Variants in RBM26 observed in about 807,000 individuals in gnomAD.
RBM26 encodes RNA-binding protein 26.
Under a neutral mutation model 123.6 loss-of-function variants are expected in RBM26, and 30 were observed. The observed-to-expected ratio is 0.24, with a 90% CI of 0.18 to 0.33. The LOEUF (loss-of-function observed/expected upper bound fraction) is 0.33, where lower values mean the gene tolerates loss of function less well. RBM26 is among the 10% of genes least tolerant of loss of function. RBM26 has a pLI of 1.00. For synonymous variants in RBM26, 400 were observed against 404.4 expected (o/e 0.99, Z 0.13); for missense variants, 947 against 1,203.6 (o/e 0.79, Z 3.15).
intron 2 of RBM26, 95 bp downstream of exon 2, chr13:79,378,694 C>T (rs1485253546): frequency 3.0e-6 from 2 of 659,568 alleles, no homozygotes; most frequent in African/African-American, 3.7e-5. Flanking sequence ...CCCACCTCAG[C>T]CTCCCAAAGT....
At chr13:79,348,183 T>TG (rs2072638290) in intron 14 of RBM26, among the ~76,000 whole-genome samples, 1 of 152,160 alleles carries the variant, frequency 6.6e-6, no homozygotes, top group Admixed American at 6.5e-5. Flanking sequence ...AGGATATTTG[T>TG]GTCTATGTTC....
At chr13:79,312,980 G>C (rs532846296) in exon 5 of RBM26, 2 of 151,732 alleles carry the variant, frequency 1.3e-5, no homozygotes, top group South Asian at 4.2e-4. Context: ...ATATTCAGTT[G>C]ATCTGTATTT....
At chr13:79,357,392 G>A (rs116063551) in intron 11 of RBM26, among the ~76,000 whole-genome samples, 22 of 151,954 alleles carry the variant, frequency 1.4e-4, no homozygotes, top group African/African-American at 5.3e-4. Flanking sequence ...CATACAAAAT[G>A]GGGGAAAAAT....
At chr13:79,366,998 CCATT>C in intron 6 of RBM26, 126 bp from the exon 7 acceptor site, 1 of 784,276 alleles carries the variant, frequency 1.3e-6, no homozygotes, top group South Asian at 2.4e-5. Flanking sequence ...GTATAATTAA[CCATT>C]TCCCAAGAGC....
chr13:79,331,982 T>A (rs1459986671), intron 20 of RBM26, among the ~76,000 whole-genome samples: 1 of 152,188 alleles, frequency 6.6e-6, no homozygotes, highest in African/African-American at 2.4e-5. Context: ...ATACTGATGG[T>A]CTTTAAAATG....
At chr13:79,324,429 G>C (rs2068082586) in intron 20 of RBM26, among the ~76,000 whole-genome samples, 1 of 151,728 alleles carries the variant, frequency 6.6e-6, no homozygotes, top group South Asian at 2.1e-4. Context: ...CATCTTGTGT[G>C]ACTTTCTATT....
chr13:79,345,524 A>C (rs531316273), intron 14 of RBM26, among the ~76,000 whole-genome samples: 1 of 152,126 alleles, frequency 6.6e-6, no homozygotes, highest in African/African-American at 2.4e-5. Flanking sequence ...ATTAACATAA[A>C]GACTTGCCTT....
chr13:79,358,408 G>A lies in RBM26; in HGVS notation c.1555C>T (p.Pro519Ser). Residue 519 changes from proline to serine, a missense_variant, in exon 11 of 22, where the codon CCA becomes TCA. Around this residue, in one of 5 missense-constraint regions of RBM26, gnomAD observed 493 missense variants for 563.1 expected, o/e 0.88. Coordinates refer to ENST00000438737, the MANE Select transcript of RBM26 (RefSeq NM_001366735.2). The stretch of plus-strand genomic sequence containing the variant: ...AATTGAACCTTCTTCTGAAAGCCTG[G>A]GCTGTTTGTTCTATTAAAATTTGGT... ...DKPNFNRTNS[P>S]GFQKKVQFGN... 5 of 1,609,736 alleles carry A rather than the reference G, an allele frequency of 3.1e-6. No homozygotes were observed. Among genetic ancestry groups the A allele is most frequent in the Non-Finnish European group, 4.2e-6 (5 of 1,178,776 alleles).
At chr13:79,402,471 C>T (rs76520285) in intron 1 of RBM26, among the ~76,000 whole-genome samples, 1 of 150,850 alleles carries the variant, frequency 6.6e-6, no homozygotes, top group Non-Finnish European at 1.5e-5. Context: ...TCTGAAAACC[C>T]TCTTGCCCTA....
intron 16 of RBM26, among the ~76,000 whole-genome samples, chr13:79,343,345 C>G (rs2071750785): frequency 6.6e-6 from 1 of 151,750 alleles, no homozygotes; most frequent in Admixed American, 6.6e-5. Flanking sequence ...CAGGAAACAA[C>G]AAGATAAGCA....
chr13:79,347,991 G>C (rs996049694), intron 14 of RBM26, among the ~76,000 whole-genome samples: 7 of 151,864 alleles, frequency 4.6e-5, no homozygotes, highest in Admixed American at 2.0e-4. Flanking sequence ...ATGTAACTAA[G>C]TAACAGAACA....
chr13:79,370,699 T>C (rs2075792335), intron 5 of RBM26, among the ~76,000 whole-genome samples: 2 of 152,232 alleles, frequency 1.3e-5, no homozygotes, highest in African/African-American at 2.4e-5. Flanking sequence ...ATCTACTTTC[T>C]CACCAACATG....
chr13:79,319,949 C>CTTTTTTTTTTTTT lies in RBM26; in HGVS notation c.*659_*671dup, dbSNP rs56071300. The CTTTTTTTTTTTTT allele has an allele frequency of 2.6e-5, 3 of 116,098 alleles. No individual in the cohort carries two copies. The highest frequency in any genetic ancestry group is 3.0e-4 in the African/African-American group (1 of 3,340). 7.2% of individuals were successfully genotyped at this position (116,098 alleles called of 1,614,324 possible). ...TTTAAATCAAGGAACATTGTCTTGGCTTTTTTTTTTTTTTTTTTTTTGTCA... is the reference window on the plus strand; with the variant it reads ...TTTAAATCAAGGAACATTGTCTTGGCTTTTTTTTTTTTTTTTTTTTTTTTTTTTTTTTTTGTCA... On this transcript the variant is annotated 3_prime_UTR_variant, in exon 22 of 22. Transcript: ENST00000438737.
chr13:79,342,929 T>C (rs917347563), intron 16 of RBM26, 98 bp from the exon 17 acceptor site: 3 of 736,320 alleles, frequency 4.1e-6, no homozygotes, highest in Non-Finnish European at 6.4e-6. Context: ...ATATTACTAC[T>C]TTTTTTAGTT....
rs144697349 is a variant in RBM26, at chr13:79,312,132, A to T, written c.*2838T>A. The T allele has an allele frequency of 2.0e-5, 3 of 152,210 alleles. No individual in the cohort carries two copies. In the East Asian group the frequency reaches 5.8e-4, roughly 29 times the overall value. The allele number at this position is 152,210 out of a possible 1,614,324, so 9.4% of individuals were successfully genotyped here. A position where few individuals can be genotyped will look rare whatever the true frequency, so the allele number is the denominator to read the frequency against. On this transcript the variant is annotated 3_prime_UTR_variant, in exon 5 of 5. Coordinates refer to the RBM26 transcript ENST00000449987. The stretch of plus-strand genomic sequence containing the variant: ...TCCCCATGCCAACACACATTCATGA[A>T]ATGGGATACTTATGGGCACAGGTAT...
chr13:79,354,707 C>T (rs1352910788), intron 12 of RBM26, 137 bp from the exon 13 acceptor site: 1 of 651,376 alleles, frequency 1.5e-6, no homozygotes, highest in East Asian at 3.0e-5. Flanking sequence ...TAACTGCCTT[C>T]TAATTTCATC....
chr13:79,381,128 C>CT (rs1555336913), intron 1 of RBM26, among the ~76,000 whole-genome samples: 1 of 152,024 alleles, frequency 6.6e-6, no homozygotes, highest in African/African-American at 2.4e-5. Context: ...ATTTTACATA[C>CT]TATATTGGGC....
Position 79,352,354 on chromosome 13 carries a change from C to T in RBM26, c.2058+799G>A, listed in dbSNP as rs148563045. ...AGATGAAATCATAACACTGTTTGGGCCTTGACTTTAAGATAAGCATATAGA... is the reference window on the plus strand; with the variant it reads ...AGATGAAATCATAACACTGTTTGGGTCTTGACTTTAAGATAAGCATATAGA... On this transcript the variant is annotated intron_variant, in intron 14 of 21. Transcript: ENST00000438737. Among the ~76,000 whole-genome samples the T allele has an allele frequency of 3.0e-3, 462 of 152,024 alleles. 3 individuals are homozygous for T. The highest frequency in any genetic ancestry group is 0.01 in the African/African-American group (426 of 41,448).
At chr13:79,324,977 G>T (rs1340707303) in intron 20 of RBM26, among the ~76,000 whole-genome samples, 2 of 151,846 alleles carry the variant, frequency 1.3e-5, no homozygotes, top group Non-Finnish European at 2.9e-5. Flanking sequence ...CAATGTTTTG[G>T]TCAACAATGA....
Sources: gnomAD v4.1 joint callset for allele counts (sites outside exome capture counted in the v4.1 genomes callset) on GRCh38, gnomAD v4.1.1 for gene constraint, gnomAD v4.1.1 regional missense constraint, MANE v1.5 for transcripts, NCBI Gene and HGNC (gene_info 2026-07-23, HGNC 2026-07-21) for gene names.